NELL1: variants seen among roughly 807,000 people sequenced by gnomAD.
NELL1 encodes the protein neural EGFL like 1.
In NELL1, 76 loss-of-function variants were observed where a neutral mutation model predicts 107.4. That is an observed-to-expected ratio of 0.71 (90% CI 0.59 to 0.86). The LOEUF (loss-of-function observed/expected upper bound fraction) is 0.86. Ranked by LOEUF, NELL1 falls within the 40% of genes least tolerant of loss-of-function variation. The probability of loss-of-function intolerance (pLI) is 0.00; values close to 1 mark genes in which losing one functional copy is unlikely to be tolerated. For missense variants in NELL1, 1,024 were observed against 1,005.5 expected, an observed-to-expected ratio of 1.02 and a Z score of -0.25; for synonymous variants, 353 against 341.2, an observed-to-expected ratio of 1.03 and a Z score of -0.38.
At chr11:21,016,455 C>G (rs745552397) in intron 12 of NELL1, among the ~76,000 whole-genome samples, 8 of 152,082 alleles carry the variant, frequency 5.3e-5, no homozygotes, top group East Asian at 1.9e-4. Context: ...GTTCCACCAC[C>G]TTTCTAGTCT....
intron 14 of NELL1, among the ~76,000 whole-genome samples, chr11:21,259,569 T>C (rs1858853095): frequency 6.6e-6 from 1 of 151,886 alleles, no homozygotes; most frequent in Non-Finnish European, 1.5e-5. Context: ...ATAGACAGAC[T>C]GGGGTCGGTA....
chr11:20,851,906 GA>G (rs1848801658), intron 4 of NELL1, among the ~76,000 whole-genome samples: 1 of 152,212 alleles, frequency 6.6e-6, no homozygotes, highest in Non-Finnish European at 1.5e-5. Context: ...TAAGCAGGCT[GA>G]TTTGATAACT....
At chr11:21,104,213 C>A (rs1387236112) in intron 12 of NELL1, among the ~76,000 whole-genome samples, 1 of 152,150 alleles carries the variant, frequency 6.6e-6, no homozygotes, top group Non-Finnish European at 1.5e-5. Context: ...TAGGCTGAGG[C>A]ACATCCTAAG....
At chr11:20,977,512 C>T (rs1851663071) in intron 12 of NELL1, among the ~76,000 whole-genome samples, 2 of 152,170 alleles carry the variant, frequency 1.3e-5, no homozygotes. Flanking sequence ...GATCCACTCT[C>T]CTGGGCCTCC....
intron 14 of NELL1, among the ~76,000 whole-genome samples, chr11:21,307,223 A>C (rs1389002246): frequency 6.6e-6 from 1 of 151,932 alleles, no homozygotes; most frequent in Non-Finnish European, 1.5e-5. Context: ...ATTAAAATTT[A>C]ACAGATGGTA....
At chr11:21,469,308 G>A (rs1213717333) in intron 15 of NELL1, among the ~76,000 whole-genome samples, 1 of 151,960 alleles carries the variant, frequency 6.6e-6, no homozygotes, top group South Asian at 2.1e-4. Flanking sequence ...CTTCTCTGGT[G>A]GATTTTGTAT....
intron 15 of NELL1, among the ~76,000 whole-genome samples, chr11:21,523,143 G>A (rs1048478203): frequency 2.6e-5 from 4 of 151,884 alleles, no homozygotes; most frequent in East Asian, 1.9e-4. Flanking sequence ...TACTGCACCC[G>A]GCTGAATCCT....
intron 2 of NELL1, among the ~76,000 whole-genome samples, chr11:20,753,140 G>T (rs907984250): frequency 3.9e-5 from 6 of 152,164 alleles, no homozygotes; most frequent in South Asian, 4.1e-4. Context: ...GAGCCCAGAT[G>T]AATCTCATCC....
At chr11:20,992,689 C>G (rs1183352582) in intron 12 of NELL1, among the ~76,000 whole-genome samples, 1 of 149,782 alleles carries the variant, frequency 6.7e-6, no homozygotes, top group Non-Finnish European at 1.5e-5. Flanking sequence ...ATGACTGCTA[C>G]TTCCCTAGGC....
chr11:20,734,128 G>C (rs1235940971), intron 2 of NELL1, among the ~76,000 whole-genome samples: 1 of 152,124 alleles, frequency 6.6e-6, no homozygotes, highest in Non-Finnish European at 1.5e-5. Context: ...GAAACAGCAA[G>C]TATGAAGGCT....
At chr11:21,023,569 C>T (rs1852748577) in intron 12 of NELL1, among the ~76,000 whole-genome samples, 1 of 151,878 alleles carries the variant, frequency 6.6e-6, no homozygotes, top group Non-Finnish European at 1.5e-5. Context: ...TTCAATGCTG[C>T]TAAATTTTTT....
At chr11:21,158,784 T>C (rs115406307) in intron 13 of NELL1, among the ~76,000 whole-genome samples, 2,093 of 152,326 alleles carry the variant, frequency 0.014, 48 homozygotes, top group African/African-American at 0.046. Flanking sequence ...CTTTATTAAA[T>C]TCATATTTGG....
At chr11:20,676,437 T>C (rs768869478) in intron 1 of NELL1, among the ~76,000 whole-genome samples, 46 of 152,062 alleles carry the variant, frequency 3.0e-4, no homozygotes, top group Non-Finnish European at 5.6e-4. Context: ...AATTATGAAA[T>C]GAATGAATGC....
chr11:21,005,583 C>T lies in NELL1; in HGVS notation c.1300+45023C>T, dbSNP rs530555813. On this transcript the variant is annotated intron_variant, in intron 12 of 19. Coordinates refer to ENST00000357134, the MANE Select transcript of NELL1 (RefSeq NM_006157.5). ...TAAATGGGTAGCATGTATTTCCAATCTCTTCTCTTGTTGATAAAGACTGTG... is the reference window on the plus strand; with the variant it reads ...TAAATGGGTAGCATGTATTTCCAATTTCTTCTCTTGTTGATAAAGACTGTG... 3.7e-4 allele frequency among the ~76,000 whole-genome samples: 56 copies of T among 152,286 alleles called. No individual in the cohort carries two copies. The South Asian group carries it at 0.012, about 32-fold the overall frequency.
Position 21,455,927 on chromosome 11 carries a change from C to T in NELL1, c.1646-78447C>T, listed in dbSNP as rs79010424. Among the ~76,000 whole-genome samples, 2,851 of 149,584 alleles carry T rather than the reference C, an allele frequency of 0.019. 228 individuals are homozygous for T. The East Asian group carries it at 0.24, about 12-fold the overall frequency. ...TTTTTGAGGTGGAGTCTCGCTTTGTCGCCCATGCTGGAGTGCAGTGGCATG... is the reference window on the plus strand; with the variant it reads ...TTTTTGAGGTGGAGTCTCGCTTTGTTGCCCATGCTGGAGTGCAGTGGCATG... On this transcript the variant is annotated intron_variant, in intron 15 of 19. Transcript: ENST00000357134.
intron 5 of NELL1, among the ~76,000 whole-genome samples, chr11:20,900,521 G>A (rs78881525): frequency 0.029 from 4,435 of 152,162 alleles, 78 homozygotes; most frequent in Non-Finnish European, 0.049. Context: ...CAGTTTTACA[G>A]GGGAGTTGTA....
chr11:20,891,333 G>T (rs1644379736), intron 5 of NELL1, among the ~76,000 whole-genome samples: 1 of 152,150 alleles, frequency 6.6e-6, no homozygotes, highest in African/African-American at 2.4e-5. Flanking sequence ...GTTACCACCA[G>T]GCCTGCCCTG....
chr11:21,094,796 T>C (rs994156929), intron 12 of NELL1, among the ~76,000 whole-genome samples: 1 of 152,170 alleles, frequency 6.6e-6, no homozygotes, highest in Non-Finnish European at 1.5e-5. Flanking sequence ...ACCCTGGGCC[T>C]GGCCCACAAA....
At chr11:20,784,834 A>G (rs1366242615) in intron 3 of NELL1, among the ~76,000 whole-genome samples, 2 of 152,212 alleles carry the variant, frequency 1.3e-5, no homozygotes, top group African/African-American at 4.8e-5. Flanking sequence ...CTAAGCATGT[A>G]TGGTGGAGTT....
Sources: gnomAD v4.1 joint callset for allele counts (sites outside exome capture counted in the v4.1 genomes callset) on GRCh38, gnomAD v4.1.1 for gene constraint, MANE v1.5 for transcripts, NCBI Gene and HGNC (gene_info 2026-07-23, HGNC 2026-07-21) for gene names.